WWC1: variants seen among roughly 807,000 people sequenced by gnomAD.
WWC1 encodes protein KIBRA.
A neutral mutation model predicts 138.4 loss-of-function variants in WWC1; 55 were observed. The observed-to-expected ratio is 0.40, with a 90% confidence interval of 0.32 to 0.50. The LOEUF (loss-of-function observed/expected upper bound fraction) is 0.50. WWC1 is among the 20% of genes least tolerant of loss of function. WWC1 has a pLI of 0.72. For synonymous variants in WWC1, 524 were observed against 564.9 expected, an observed-to-expected ratio of 0.93 and a Z score of 1.03; for missense variants, 1,226 against 1,420.4, an observed-to-expected ratio of 0.86 and a Z score of 2.20.
At chr5:168,305,198 C>T (rs1033116193) in intron 1 of WWC1, among the ~76,000 whole-genome samples, 2 of 151,278 alleles carry the variant, frequency 1.3e-5, no homozygotes, top group Non-Finnish European at 2.9e-5. Flanking sequence ...AAACTCCTGA[C>T]CTCAGGTGAT....
At chr5:168,403,486 A>G (rs1779541583) in intron 5 of WWC1, among the ~76,000 whole-genome samples, 1 of 152,178 alleles carries the variant, frequency 6.6e-6, no homozygotes, top group Admixed American at 6.5e-5. Flanking sequence ...GTTACTCTGG[A>G]CCACGAATCC....
intron 20 of WWC1, among the ~76,000 whole-genome samples, chr5:168,461,449 CAG>C (rs1582387273): frequency 1.3e-5 from 2 of 152,244 alleles, no homozygotes; most frequent in East Asian, 1.9e-4. Flanking sequence ...GTTCTGGTGA[CAG>C]AGAAGCTGGG....
intron 3 of WWC1, among the ~76,000 whole-genome samples, chr5:168,394,165 A>C (rs1279086095): frequency 6.6e-6 from 1 of 152,178 alleles, no homozygotes; most frequent in Non-Finnish European, 1.5e-5. Context: ...TAAGTAAATA[A>C]GTAATGCCGA....
At chr5:168,309,354 C>T (rs1030293993) in intron 1 of WWC1, among the ~76,000 whole-genome samples, 1 of 146,652 alleles carries the variant, frequency 6.8e-6, no homozygotes, top group Non-Finnish European at 1.5e-5. Flanking sequence ...TGGTCTCAAA[C>T]AACTTTGCCT....
intron 1 of WWC1, among the ~76,000 whole-genome samples, chr5:168,355,627 G>A (rs1184228031): frequency 6.6e-6 from 1 of 152,174 alleles, no homozygotes; most frequent in Non-Finnish European, 1.5e-5. Context: ...GCTCTGAGGT[G>A]GGAATGAGGT....
chr5:168,460,381 G>C (rs1756700787), intron 19 of WWC1, among the ~76,000 whole-genome samples: 1 of 152,206 alleles, frequency 6.6e-6, no homozygotes, highest in South Asian at 2.1e-4. Context: ...CTATCACATG[G>C]GGTTGTTGGA....
intron 15 of WWC1, among the ~76,000 whole-genome samples, chr5:168,438,786 G>A (rs983397414): frequency 2.0e-5 from 3 of 151,644 alleles, no homozygotes; most frequent in Non-Finnish European, 4.4e-5. Flanking sequence ...TTCTAGGAAG[G>A]CTGTAGGGGA....
chr5:168,299,930 G>A (rs1769911102), intron 1 of WWC1, among the ~76,000 whole-genome samples: 1 of 152,192 alleles, frequency 6.6e-6, no homozygotes, highest in Non-Finnish European at 1.5e-5. Flanking sequence ...ATGAGGCTCT[G>A]CAGCCTCCAG....
chr5:168,433,002 G>A (rs567540145), intron 15 of WWC1, among the ~76,000 whole-genome samples: 11 of 152,266 alleles, frequency 7.2e-5, no homozygotes, highest in East Asian at 1.9e-4. Context: ...ATCTGCATGC[G>A]CTATAAAACC....
At chr5:168,426,463 C>T (rs1781506338) in intron 11 of WWC1, among the ~76,000 whole-genome samples, 1 of 152,214 alleles carries the variant, frequency 6.6e-6, no homozygotes, top group African/African-American at 2.4e-5. Context: ...TGGGCACACA[C>T]AGGTCTCGGG....
rs1020098352 is a variant in WWC1 at position 168,423,785 on chromosome 5, C to T, written c.1527C>T (p.Thr509=). Reference sequence around the variant, plus strand: ...TCCACGAGGATGAGGTGGCCAAGACCCAGAAGGCAGAGGGAGGTGGCCGCC... The same window carrying T: ...TCCACGAGGATGAGGTGGCCAAGACTCAGAAGGCAGAGGGAGGTGGCCGCC... ...TTIHEDEVAK[T]QKAEGGGRLQ... Residue 509 remains threonine (T), a synonymous_variant, in exon 11 of 23, where the codon ACC becomes ACT. Transcript: ENST00000265293. 5.6e-6 allele frequency: 9 copies of T among 1,613,966 alleles called. 1 individual carries two copies. Among genetic ancestry groups the T allele is most frequent in the Non-Finnish European group, 7.6e-6 (9 of 1,180,014 alleles).
intron 2 of WWC1, among the ~76,000 whole-genome samples, chr5:168,377,473 T>G (rs751151622): frequency 1.3e-5 from 2 of 152,142 alleles, no homozygotes; most frequent in African/African-American, 2.4e-5. Flanking sequence ...CAAAAGAAGC[T>G]ATCAACAGAG....
intron 1 of WWC1, among the ~76,000 whole-genome samples, chr5:168,345,710 A>G (rs1199124803): frequency 2.0e-5 from 3 of 152,208 alleles, no homozygotes; most frequent in Non-Finnish European, 4.4e-5. Flanking sequence ...ATATTTGTAT[A>G]GGCATTGATT....
At chr5:168,351,791 C>T (rs567647866) in intron 1 of WWC1, among the ~76,000 whole-genome samples, 5 of 152,306 alleles carry the variant, frequency 3.3e-5, no homozygotes, top group Admixed American at 2.6e-4. Flanking sequence ...TTCTGCACCA[C>T]GTGCCGCCTG....
intron 5 of WWC1, among the ~76,000 whole-genome samples, chr5:168,400,294 TA>T (rs1379396807): frequency 6.6e-6 from 1 of 152,192 alleles, no homozygotes; most frequent in African/African-American, 2.4e-5. Flanking sequence ...TTAAGCCTAG[TA>T]CCCATTAGTT....
intron 9 of WWC1, chr5:168,416,092 CA>C (rs1340790112): frequency 3.3e-5 from 5 of 152,074 alleles, no homozygotes; most frequent in African/African-American, 1.2e-4. Flanking sequence ...GAGTAGGCCC[CA>C]CTTGCACATG....
chr5:168,328,697 C>G (rs932960272), intron 1 of WWC1, among the ~76,000 whole-genome samples: 3 of 152,074 alleles, frequency 2.0e-5, no homozygotes, highest in Non-Finnish European at 4.4e-5. Flanking sequence ...CAAGCATGCC[C>G]GGCTAATTTT....
intron 15 of WWC1, among the ~76,000 whole-genome samples, chr5:168,432,544 A>T (rs992425267): frequency 6.6e-6 from 1 of 152,236 alleles, no homozygotes; most frequent in African/African-American, 2.4e-5. Flanking sequence ...GTTAACCCTG[A>T]TGCCATTTAG....
Position 168,470,795 on chromosome 5 carries a change from C to T in WWC1, c.*1778C>T, listed in dbSNP as rs1403963144. 6.6e-6 allele frequency: 1 copy of T among 152,256 alleles called. No homozygotes were observed. The highest frequency in any genetic ancestry group is 6.5e-5 in the Admixed American group (1 of 15,276). The allele number at this position is 152,256 out of a possible 1,614,324, so 9.4% of individuals were successfully genotyped here. Reference sequence around the variant, plus strand: ...CCGAGATGGCGCCATTGACTCCAGCCTGGGCAACAAGAGCGTAACTCCATC... The same window carrying T: ...CCGAGATGGCGCCATTGACTCCAGCTTGGGCAACAAGAGCGTAACTCCATC... On this transcript the variant is annotated 3_prime_UTR_variant, in exon 23 of 23. Coordinates refer to ENST00000265293, the MANE Select transcript of WWC1 (RefSeq NM_015238.3).
Sources: gnomAD v4.1 joint callset for allele counts (sites outside exome capture counted in the v4.1 genomes callset) on GRCh38, gnomAD v4.1.1 for gene constraint, MANE v1.5 for transcripts, NCBI Gene and HGNC (gene_info 2026-07-23, HGNC 2026-07-21) for gene names.